VASH2: variants seen among roughly 807,000 people sequenced by gnomAD.
VASH2 encodes the protein vasohibin 2, also known as tubulinyl-Tyr carboxypeptidase 2.
Under a neutral mutation model 37.2 loss-of-function variants are expected in VASH2, and 28 were observed. The ratio of observed to expected loss-of-function variants is 0.75; its 90% CI spans 0.56 to 1.03. VASH2 has a LOEUF of 1.03. VASH2 is among the 50% of genes least tolerant of loss of function. The pLI is 0.00. For synonymous variants in VASH2, 188 were observed against 174.7 expected, an observed-to-expected ratio of 1.08 and a Z score of -0.60; for missense variants, 419 against 459.1, an observed-to-expected ratio of 0.91 and a Z score of 0.80.
intron 2 of VASH2, among the ~76,000 whole-genome samples, chr1:212,960,801 C>T (rs568645429): frequency 6.6e-6 from 1 of 152,310 alleles, no homozygotes; most frequent in East Asian, 1.9e-4. Flanking sequence ...TGCTGGAATG[C>T]TTTCGTGTCC....
intron 7 of VASH2, among the ~76,000 whole-genome samples, chr1:212,976,755 A>G (rs557197180): frequency 6.6e-6 from 1 of 152,270 alleles, no homozygotes; most frequent in South Asian, 2.1e-4. Context: ...GTGTTGAGGC[A>G]CCACTTGCCC....
chr1:212,981,058 A>G (rs1484897087), intron 7 of VASH2, among the ~76,000 whole-genome samples: 2 of 152,204 alleles, frequency 1.3e-5, no homozygotes. Context: ...AGGGTCAGAC[A>G]GGGGCAGACA....
At chr1:212,960,501 G>A (rs752063241) in intron 2 of VASH2, among the ~76,000 whole-genome samples, 3 of 152,196 alleles carry the variant, frequency 2.0e-5, no homozygotes, top group Non-Finnish European at 4.4e-5. Flanking sequence ...GTATTGAGAT[G>A]TGGCACTCGT....
In VASH2 at chr1:212,974,887, G is replaced by A. The variant is rs373235393; in HGVS notation, c.995+817G>A. 4 of 152,198 alleles carry A rather than the reference G, an allele frequency of 2.6e-5. No homozygotes were observed. In the East Asian group the frequency reaches 5.8e-4, roughly 22 times the overall value. The allele number at this position is 152,198 out of a possible 1,614,324, so 9.4% of individuals were successfully genotyped here. On this transcript the variant is annotated intron_variant, in intron 7 of 7. Coordinates refer to ENST00000517399, the MANE Select transcript of VASH2 (RefSeq NM_001301056.2). ...AGCTGGGCACATCCTTCCTCCTCGG[G>A]GAGCCTTGGTTTCTTCATCCATAAA...
At chr1:212,973,275 C>A (rs1249936622) in intron 6 of VASH2, 2 of 887,212 alleles carry the variant, frequency 2.3e-6, no homozygotes, top group Non-Finnish European at 3.1e-6. Context: ...CCTGGAACTG[C>A]GGGTTTTCCC....
At chr1:212,978,231 C>G (rs1230983860) in intron 7 of VASH2, among the ~76,000 whole-genome samples, 1 of 152,208 alleles carries the variant, frequency 6.6e-6, no homozygotes, top group Non-Finnish European at 1.5e-5. Context: ...TAATCTCTGA[C>G]TACTTTTTCA....
In VASH2 at chr1:212,990,760, C is replaced by G. The variant is rs1286088250; in HGVS notation, c.*2176C>G. On this transcript the variant is annotated 3_prime_UTR_variant, in exon 8 of 8. Coordinates refer to ENST00000517399, the MANE Select transcript of VASH2 (RefSeq NM_001301056.2). ...TCCTTGATTTTTAGACTAATTTTCC[C>G]AAAGCAAGGTTTAGTCACACAAACT... 2.0e-5 allele frequency: 3 copies of G among 152,064 alleles called. No individual in the cohort carries two copies. The highest frequency in any genetic ancestry group is 4.4e-5 in the Non-Finnish European group (3 of 68,020). 9.4% of individuals were successfully genotyped at this position (152,064 alleles called of 1,614,324 possible). A position where few individuals can be genotyped will look rare whatever the true frequency, so the allele number is the denominator to read the frequency against.
intron 7 of VASH2, among the ~76,000 whole-genome samples, chr1:212,978,238 T>A (rs12568153): frequency 1.3e-5 from 2 of 151,816 alleles, no homozygotes; most frequent in African/African-American, 2.4e-5. Flanking sequence ...TGACTACTTT[T>A]TCATGCAGCC....
intron 2 of VASH2, among the ~76,000 whole-genome samples, chr1:212,955,390 G>T (rs1021565033): frequency 1.3e-5 from 2 of 152,162 alleles, no homozygotes; most frequent in African/African-American, 2.4e-5. Context: ...GTGACTGCAG[G>T]CCTCTCCCCT....
chr1:212,953,065 T>A (rs1004582161), intron 2 of VASH2, among the ~76,000 whole-genome samples: 1 of 152,174 alleles, frequency 6.6e-6, no homozygotes, highest in Non-Finnish European at 1.5e-5. Flanking sequence ...CTTGAGAATT[T>A]TTCCTCCAGT....
rs760247562 is a variant in VASH2 at position 212,972,978 on chromosome 1, C to T, written c.879+17C>T. On this transcript the variant is annotated intron_variant, in intron 6 of 7. Coordinates refer to ENST00000517399, the MANE Select transcript of VASH2 (RefSeq NM_001301056.2). ...AGAATGAAGGTGGGTGCTGGGAAGA[C>T]AAGGAAGCCATGCAGGAGAGCTCTT... is the stretch of plus-strand genomic sequence containing the variant. The T allele has an allele frequency of 6.2e-7, 1 of 1,603,976 alleles. No homozygotes were observed. Among genetic ancestry groups the T allele is most frequent in the Admixed American group, 1.7e-5 (1 of 59,186 alleles).
At chr1:212,970,550 T>C (rs1388475243) in intron 5 of VASH2, among the ~76,000 whole-genome samples, 2 of 152,130 alleles carry the variant, frequency 1.3e-5, no homozygotes, top group Non-Finnish European at 2.9e-5. Flanking sequence ...CATTTTTAAG[T>C]GCACAGTTCA....
chr1:212,962,030 C>A (rs1572062598), intron 3 of VASH2, among the ~76,000 whole-genome samples: 1 of 152,290 alleles, frequency 6.6e-6, no homozygotes, highest in South Asian at 2.1e-4. Flanking sequence ...CCCAGGTGAC[C>A]CAGGCTGGTG....
chr1:212,951,465 G>A lies in VASH2; in HGVS notation c.-78G>A, dbSNP rs2102612351. On this transcript the variant is annotated 5_prime_UTR_variant, in exon 2 of 8. Coordinates refer to ENST00000517399, the MANE Select transcript of VASH2 (RefSeq NM_001301056.2). This position sits in a 1 kb window ranked among gnomAD's most constrained non-coding sequence, Gnocchi z 4.4. ...GCGCTGATCCCCTCGCCGCGCCCGC[G>A]CGCACACGCCCCCCGCCGCCGCCGC... 2 of 907,272 alleles carry A rather than the reference G, an allele frequency of 2.2e-6. No individual in the cohort carries two copies. Among genetic ancestry groups the A allele is most frequent in the Admixed American group, 5.5e-5 (1 of 18,094 alleles). The allele number at this position is 907,272 out of a possible 1,614,324, so 56.2% of individuals were successfully genotyped here. A position where few individuals can be genotyped will look rare whatever the true frequency, so the allele number is the denominator to read the frequency against.
intron 7 of VASH2, among the ~76,000 whole-genome samples, chr1:212,981,915 T>C (rs1416931178): frequency 6.6e-6 from 1 of 152,244 alleles, no homozygotes; most frequent in African/African-American, 2.4e-5. Flanking sequence ...TTCTTGTGGC[T>C]GCACAGATGG....
At position 212,989,642 on chromosome 1, in the gene VASH2, G is replaced by T. The variant is rs1443652405; in HGVS notation, c.*1058G>T. 1 of 152,158 alleles carries T rather than the reference G, an allele frequency of 6.6e-6. No homozygotes were observed. The highest frequency in any genetic ancestry group is 1.5e-5 in the Non-Finnish European group (1 of 68,012). 9.4% of individuals were successfully genotyped at this position (152,158 alleles called of 1,614,324 possible). On this transcript the variant is annotated 3_prime_UTR_variant, in exon 8 of 8. Coordinates refer to ENST00000517399, the MANE Select transcript of VASH2 (RefSeq NM_001301056.2). ...ATTAAGACCAAATGTGACATGATGT[G>T]ATTATCTTCCAGTACTTTGCTTTTA... is the stretch of plus-strand genomic sequence containing the variant.
intron 2 of VASH2, among the ~76,000 whole-genome samples, chr1:212,954,569 T>C (rs1003661575): frequency 1.3e-5 from 2 of 152,124 alleles, no homozygotes; most frequent in African/African-American, 4.8e-5. Flanking sequence ...TACAGGCACA[T>C]GTCACCATGC....
At chr1:212,965,461 T>C (rs1439742037) in intron 3 of VASH2, among the ~76,000 whole-genome samples, 1 of 152,136 alleles carries the variant, frequency 6.6e-6, no homozygotes, top group Non-Finnish European at 1.5e-5. Flanking sequence ...AGACAAATAG[T>C]CAACTACCCG....
At chr1:212,952,026 G>A (rs558832223) in intron 2 of VASH2, among the ~76,000 whole-genome samples, 1 of 152,160 alleles carries the variant, frequency 6.6e-6, no homozygotes, top group South Asian at 2.1e-4. Context: ...GAGAGGTAGC[G>A]GGCTTGCTAT....
Sources: gnomAD v4.1 joint callset for allele counts (sites outside exome capture counted in the v4.1 genomes callset) on GRCh38, gnomAD v4.1.1 for gene constraint, Gnocchi (gnomAD v3.1) non-coding constraint, MANE v1.5 for transcripts, NCBI Gene and HGNC (gene_info 2026-07-23, HGNC 2026-07-21) for gene names.